The following TRIM45 variants were observed in gnomAD, a reference collection of about 807,000 sequenced individuals.
TRIM45 encodes the protein E3 ubiquitin-protein ligase TRIM45.
A neutral mutation model predicts 46.7 loss-of-function variants in TRIM45; 45 were observed. That is an observed-to-expected ratio of 0.96 (90% confidence interval 0.76 to 1.24). The LOEUF (loss-of-function observed/expected upper bound fraction) is 1.24, where lower values mean the gene tolerates loss of function less well. Ranked by LOEUF, TRIM45 falls within the 50% of genes most tolerant of loss-of-function variation. TRIM45 has a pLI of 0.00. For missense variants in TRIM45, 680 were observed against 728.4 expected (o/e 0.93, Z 0.77); for synonymous variants, 259 against 285.8 (o/e 0.91, Z 0.94).
Position 117,121,023 on chromosome 1 carries a change from G to A in TRIM45, c.179C>T (p.Ser60Leu). The A allele has an allele frequency of 6.2e-7, 1 of 1,614,194 alleles. No homozygotes were observed. Among genetic ancestry groups the A allele is most frequent in the Non-Finnish European group, 8.5e-7 (1 of 1,180,038 alleles). Residue 60 changes from serine to leucine, a missense_variant, in exon 1 of 6, where the codon TCA (serine) becomes TTA (leucine). Physicochemically the swap from Ser to Leu is moderately radical, Grantham distance 145. Around this residue, in one of 3 missense-constraint regions of TRIM45, gnomAD observed 349 missense variants for 343.6 expected, o/e 1.02. Transcript: ENST00000256649. This position sits in a 1 kb window ranked among gnomAD's most constrained non-coding sequence, Gnocchi z 4.2. ...GTCTCCCCCTCGGATGTCCACTACT[G>A]AGAAGGGCTCCAGCTGCTCCAGACA... ...TTCLEQLEPF[S>L]VVDIRGGDSD...
At chr1:117,123,057 A>AAC (rs1553204669), upstream of TRIM45, among the ~76,000 whole-genome samples, 1,378 of 141,258 alleles carry the variant, frequency 9.8e-3, 7 homozygotes, top group Middle Eastern at 0.022. Flanking sequence ...AAAAAAAAAA[A>AAC]CCATTATAAA....
In TRIM45 at chr1:117,116,820, T is replaced by C; in HGVS notation, c.1223-75A>G. The C allele has an allele frequency of 6.3e-7, 1 of 1,594,622 alleles. No homozygotes were observed. ...CTACATCTCCATCTTGCTTTTTCTC[T>C]TCAGAACAAAGGGTTGTACTTTACT... On this transcript the variant is annotated intron_variant, in intron 2 of 5. Coordinates refer to ENST00000256649, the MANE Select transcript of TRIM45 (RefSeq NM_025188.4). The surrounding 1 kb of genome is among the most constrained non-coding windows in gnomAD (Gnocchi z 4.6).
chr1:117,123,823 A>G (rs919003186), upstream of TRIM45, among the ~76,000 whole-genome samples: 2 of 151,800 alleles, frequency 1.3e-5, no homozygotes, highest in Admixed American at 6.6e-5. Context: ...TAGAGACTGG[A>G]TTTCACCATG....
Position 117,118,893 on chromosome 1 carries a change from T to C in TRIM45, c.489-126A>G, listed in dbSNP as rs1346495409. 8.0e-7 allele frequency: 1 copy of C among 1,255,506 alleles called. No homozygotes were observed. The highest frequency in any genetic ancestry group is 1.5e-5 in the African/African-American group (1 of 66,570). 77.8% of individuals were successfully genotyped at this position (1,255,506 alleles called of 1,614,324 possible). On this transcript the variant is annotated intron_variant, in intron 1 of 5. Coordinates refer to ENST00000256649, the MANE Select transcript of TRIM45 (RefSeq NM_025188.4). The surrounding 1 kb of genome is among the most constrained non-coding windows in gnomAD (Gnocchi z 5.7). ...ACCTGATTTCAATTCCTTGCTCTAATCTCTAATTGCATGAACCTCTCTGAT... is the reference window on the plus strand; with the variant it reads ...ACCTGATTTCAATTCCTTGCTCTAACCTCTAATTGCATGAACCTCTCTGAT...
chr1:117,116,699 A>C lies in TRIM45; in HGVS notation c.1269T>G (p.Leu423=). The change falls in exon 3 of 6, where the codon CTT becomes CTG. Residue 423 remains leucine (L), a synonymous_variant. Transcript: ENST00000256649. The surrounding 1 kb of genome is among the most constrained non-coding windows in gnomAD (Gnocchi z 4.6). The part of the protein sequence containing the change: ...REKQTASFTL[L]CKDAAGEIMG... ...TGATTTCTCCTGCGGCATCCTTACAAAGCAGGGTGAAAGAGGCCGTCTGTT... is the reference window on the plus strand; with the variant it reads ...TGATTTCTCCTGCGGCATCCTTACACAGCAGGGTGAAAGAGGCCGTCTGTT... The C allele has an allele frequency of 1.9e-6, 3 of 1,614,064 alleles. No individual in the cohort carries two copies. The highest frequency in any genetic ancestry group is 1.7e-6 in the Non-Finnish European group (2 of 1,179,976).
At position 117,121,074 on chromosome 1, in the gene TRIM45, G is replaced by A. The variant is rs748696611; in HGVS notation, c.128C>T (p.Pro43Leu). Residue 43 changes from proline to leucine, a missense_variant, in exon 1 of 6, where the codon CCT (proline) becomes CTT (leucine). By Grantham distance (98) the Pro-to-Leu change is moderately conservative (BLOSUM62 -3). Transcript: ENST00000256649. The surrounding 1 kb of genome is among the most constrained non-coding windows in gnomAD (Gnocchi z 4.2). ...CGTGGTGCAAACTGTATGCAAACAA[G>A]GCAAGAGCCTGGGGGCTTTGAAAAG... ...LGLFKAPRLL[P>L]CLHTVCTTCL... 3 of 1,614,164 alleles carry A rather than the reference G, an allele frequency of 1.9e-6. No individual in the cohort carries two copies. Among genetic ancestry groups the A allele is most frequent in the Middle Eastern group, 1.7e-4 (1 of 6,058 alleles).
Position 117,112,438 on chromosome 1 carries a change from C to T in TRIM45, c.1610G>A (p.Cys537Tyr), listed in dbSNP as rs776120289. ...TGGGTGGCCTTTGTGTCCATGGCCA[C>T]AGCCTAGGTACCCACCTACATGGGA... ...GGTMPGGYLG[C>Y]GHGHKGHPGH... The change falls in exon 6 of 6, where the codon TGT (cysteine) becomes TAT (tyrosine). Residue 537 changes from cysteine to tyrosine, a missense_variant. Coordinates refer to ENST00000256649, the MANE Select transcript of TRIM45 (RefSeq NM_025188.4). 19 of 1,612,924 alleles carry T rather than the reference C, an allele frequency of 1.2e-5. No individual in the cohort carries two copies. The highest frequency in any genetic ancestry group is 1.5e-5 in the Non-Finnish European group (18 of 1,179,520).
upstream of TRIM45, chr1:117,121,756 T>A: frequency 2.9e-6 from 2 of 692,174 alleles, no homozygotes; most frequent in Non-Finnish European, 5.3e-6. The surrounding 1 kb of genome is among the most constrained non-coding windows in gnomAD (Gnocchi z 4.2). Flanking sequence ...TGGCCCCTCC[T>A]CACACCAATC....
chr1:117,114,253 G>T (rs1650320173), intron 4 of TRIM45, among the ~76,000 whole-genome samples: 1 of 152,152 alleles, frequency 6.6e-6, no homozygotes, highest in Admixed American at 6.5e-5. Context: ...TCTCCCATCT[G>T]CCCCCTTTCC....
At chr1:117,112,708 G>A (rs1466842305) in intron 5 of TRIM45, among the ~76,000 whole-genome samples, 2 of 152,082 alleles carry the variant, frequency 1.3e-5, no homozygotes, top group Admixed American at 1.3e-4. Context: ...ACCACCTGAA[G>A]GAGGCGAACT....
In TRIM45 at chr1:117,112,145, C is replaced by T. The variant is rs1650236927; in HGVS notation, c.*160G>A. 1.4e-6 allele frequency: 1 copy of T among 732,046 alleles called. No homozygotes were observed. The highest frequency in any genetic ancestry group is 1.9e-6 in the Non-Finnish European group (1 of 513,444). 45.3% of individuals were successfully genotyped at this position (732,046 alleles called of 1,614,324 possible). On this transcript the variant is annotated 3_prime_UTR_variant, in exon 6 of 6. Transcript: ENST00000256649. ...TTTTGTGCTCAACCATCCACAAGTACAATCAGTGAATAACTAACAAAAGAG... is the reference window on the plus strand; with the variant it reads ...TTTTGTGCTCAACCATCCACAAGTATAATCAGTGAATAACTAACAAAAGAG...
rs1650235917 is a variant in TRIM45, at chr1:117,112,127, C to T, written c.*178G>A. On this transcript the variant is annotated 3_prime_UTR_variant, in exon 6 of 6. Coordinates refer to ENST00000256649, the MANE Select transcript of TRIM45 (RefSeq NM_025188.4). ...AGAAATGTAGAGGTGGTTTTTTGTG[C>T]TCAACCATCCACAAGTACAATCAGT... The T allele has an allele frequency of 1.6e-6, 1 of 642,646 alleles. No individual in the cohort carries two copies. The highest frequency in any genetic ancestry group is 2.3e-6 in the Non-Finnish European group (1 of 432,480). The allele number at this position is 642,646 out of a possible 1,614,324, so 39.8% of individuals were successfully genotyped here.
Position 117,113,361 on chromosome 1 carries a change from G to A in TRIM45, c.1592C>T (p.Pro531Leu). Residue 531 changes from proline (P) to leucine (L), a missense_variant and splice_region_variant, in exon 5 of 6, where the codon CCA becomes CTA. By Grantham distance (98) the Pro-to-Leu change is moderately conservative (BLOSUM62 -3). Transcript: ENST00000256649. The surrounding 1 kb of genome is among the most constrained non-coding windows in gnomAD (Gnocchi z 4.0). ...AGAGGGTAGTGCTTTCTCCTTACCT[G>A]GCATGGTGCCTCCACAGGCGCAGCG... is the stretch of plus-strand genomic sequence containing the variant. ...TARCACGGTM[P>L]GGYLGCGHGH... 2 of 1,612,038 alleles carry A rather than the reference G, an allele frequency of 1.2e-6. No homozygotes were observed. The highest frequency in any genetic ancestry group is 1.7e-6 in the Non-Finnish European group (2 of 1,179,864).
rs996730269 is a variant in TRIM45, at chr1:117,115,836, G to C, written c.1353-147C>G. ...GATGCTTCTTCCATTTGCTTCAGAAGTTAATTTTACAACAGAAGGTAAACA... is the reference window on the plus strand; with the variant it reads ...GATGCTTCTTCCATTTGCTTCAGAACTTAATTTTACAACAGAAGGTAAACA... On this transcript the variant is annotated intron_variant, in intron 3 of 5. Transcript: ENST00000256649. The surrounding 1 kb of genome is among the most constrained non-coding windows in gnomAD (Gnocchi z 4.2). 3.2e-6 allele frequency: 2 copies of C among 615,550 alleles called. No individual in the cohort carries two copies. Among genetic ancestry groups the C allele is most frequent in the African/African-American group, 3.7e-5 (2 of 53,716 alleles). The allele number at this position is 615,550 out of a possible 1,614,324, so 38.1% of individuals were successfully genotyped here.
In TRIM45 at chr1:117,115,668, C is replaced by T. The variant is rs34257983; in HGVS notation, c.1374G>A (p.Gln458=). Residue 458 remains glutamine (Q), a synonymous_variant, in exon 4 of 6, where the codon CAG becomes CAA. Coordinates refer to ENST00000256649, the MANE Select transcript of TRIM45 (RefSeq NM_025188.4). This position sits in a 1 kb window ranked among gnomAD's most constrained non-coding sequence, Gnocchi z 4.2. ...KKDSPVRTMV[Q]DNKDGTYYIS... is the part of the protein sequence containing the mutation. ...TGTAGTATGTCCCATCCTTGTTATC[C>T]TGGACCATTGTTCTGACTGGGCTGA... 34,360 of 1,613,748 alleles carry T rather than the reference C, an allele frequency of 0.021. 434 individuals carry two copies. The highest frequency in any genetic ancestry group is 0.026 in the Non-Finnish European group (30,131 of 1,179,662).
rs112110082 is a variant in TRIM45 at position 117,115,470 on chromosome 1, G to A, written c.1467+105C>T. On this transcript the variant is annotated intron_variant, in intron 4 of 5. Coordinates refer to ENST00000256649, the MANE Select transcript of TRIM45 (RefSeq NM_025188.4). The surrounding 1 kb of genome is among the most constrained non-coding windows in gnomAD (Gnocchi z 4.2). The stretch of plus-strand genomic sequence containing the variant: ...TTCTAAAGTGAAGAAGAAGACATGG[G>A]GATTCTATTCAATCTCTCTGTATAG... The A allele has an allele frequency of 1.3e-6, 1 of 796,198 alleles. No homozygotes were observed. Among genetic ancestry groups the A allele is most frequent in the Non-Finnish European group, 2.1e-6 (1 of 474,458 alleles). 49.3% of individuals were successfully genotyped at this position (796,198 alleles called of 1,614,324 possible).
In TRIM45 at chr1:117,113,314, C is replaced by T. The variant is rs535077660; in HGVS notation, c.1594+45G>A. 6.2e-7 allele frequency: 1 copy of T among 1,603,310 alleles called. No homozygotes were observed. The highest frequency in any genetic ancestry group is 2.2e-5 in the East Asian group (1 of 44,718). On this transcript the variant is annotated intron_variant, in intron 5 of 5. Transcript: ENST00000256649. The surrounding 1 kb of genome is among the most constrained non-coding windows in gnomAD (Gnocchi z 4.0). ...GTAGGGAAGGGCCCGTCGCTTGATTCCCACTGCTGGCAGAAAGGCCCAGAG... is the reference window on the plus strand; with the variant it reads ...GTAGGGAAGGGCCCGTCGCTTGATTTCCACTGCTGGCAGAAAGGCCCAGAG...
At position 117,118,212 on chromosome 1, in the gene TRIM45, C is replaced by A; in HGVS notation, c.1044G>T (p.Arg348Ser). Reference protein sequence around the residue: ...GSDLEILITKRVVVERLRKLN... With the variant: ...GSDLEILITKSVVVERLRKLN... ...GCTTCCTGAGCCGTTCTACCACCACCCTCTTGGTGATGAGGATCTCCAAGT... is the reference window on the plus strand; with the variant it reads ...GCTTCCTGAGCCGTTCTACCACCACACTCTTGGTGATGAGGATCTCCAAGT... The change falls in exon 2 of 6, where the codon AGG becomes AGT. Residue 348 changes from arginine (R) to serine (S), a missense_variant. Around this residue, in one of 3 missense-constraint regions of TRIM45, gnomAD observed 322 missense variants for 359.3 expected, o/e 0.90. Coordinates refer to ENST00000256649, the MANE Select transcript of TRIM45 (RefSeq NM_025188.4). This position sits in a 1 kb window ranked among gnomAD's most constrained non-coding sequence, Gnocchi z 5.7. The A allele has an allele frequency of 6.8e-6, 11 of 1,614,228 alleles. No homozygotes were observed. The highest frequency in any genetic ancestry group is 8.5e-6 in the Non-Finnish European group (10 of 1,180,046).
rs757207887 is a variant in TRIM45 at position 117,112,324 on chromosome 1, A to C, written c.1724T>G (p.Leu575Arg). 3.1e-6 allele frequency: 5 copies of C among 1,612,032 alleles called. No individual in the cohort carries two copies. The highest frequency in any genetic ancestry group is 3.4e-6 in the Non-Finnish European group (4 of 1,178,996). ...TGGQSAPRSL[L>R]RTVAL ...AACCCATCAGAGAGCCACAGTCCTAAGTAGACTCCTCGGTGCGCTCTGCCC... is the reference window on the plus strand; with the variant it reads ...AACCCATCAGAGAGCCACAGTCCTACGTAGACTCCTCGGTGCGCTCTGCCC... Residue 575 changes from leucine (L) to arginine (R), a missense_variant, in exon 6 of 6, where the codon CTT becomes CGT. Leu to Arg is a moderately radical substitution (Grantham distance 102, BLOSUM62 -2). Around this residue, in one of 3 missense-constraint regions of TRIM45, gnomAD observed 322 missense variants for 359.3 expected, o/e 0.90. Transcript: ENST00000256649.
Sources: gnomAD v4.1 joint callset for allele counts (sites outside exome capture counted in the v4.1 genomes callset) on GRCh38, gnomAD v4.1.1 for gene constraint, gnomAD v4.1.1 regional missense constraint, Gnocchi (gnomAD v3.1) non-coding constraint, MANE v1.5 for transcripts, NCBI Gene and HGNC (gene_info 2026-07-23, HGNC 2026-07-21) for gene names.